PLXNA4: variants seen among roughly 807,000 people sequenced by gnomAD.
PLXNA4 encodes the protein plexin A4.
In PLXNA4, 44 loss-of-function variants were observed where a neutral mutation model predicts 191.8. The ratio of observed to expected loss-of-function variants is 0.23; its 90% CI spans 0.18 to 0.29. PLXNA4 has a LOEUF of 0.29. Among genes scored for constraint, PLXNA4 ranks in the 10% least tolerant of loss-of-function variants. PLXNA4 has a pLI of 1.00. For synonymous variants in PLXNA4, 1,082 were observed against 1,009.5 expected (o/e 1.07, Z -1.36); for missense variants, 1,800 against 2,488.8 (o/e 0.72, Z 5.89).
At chr7:132,180,422 G>C (rs571158947) in intron 19 of PLXNA4, among the ~76,000 whole-genome samples, 164 bp downstream of exon 19, 37 of 152,310 alleles carry the variant, frequency 2.4e-4, no homozygotes, top group Admixed American at 1.6e-3. Context: ...ATACAGAAGA[G>C]AGAAGCTCAA....
intron 3 of PLXNA4, among the ~76,000 whole-genome samples, chr7:132,415,573 G>T (rs1029564710): frequency 6.6e-6 from 1 of 152,192 alleles, no homozygotes; most frequent in Non-Finnish European, 1.5e-5. Context: ...AGGTTAGATA[G>T]TCAGCCTGCA....
At chr7:132,281,209 T>A (rs530164389) in intron 4 of PLXNA4, among the ~76,000 whole-genome samples, 1 of 152,336 alleles carries the variant, frequency 6.6e-6, no homozygotes, top group East Asian at 1.9e-4. Flanking sequence ...TTCCATACTT[T>A]GTTTTAATGG....
chr7:132,449,344 C>T (rs189236240), intron 3 of PLXNA4, among the ~76,000 whole-genome samples: 12 of 152,254 alleles, frequency 7.9e-5, no homozygotes, highest in African/African-American at 2.2e-4. Flanking sequence ...CTTGAACAAC[C>T]CAAATTAAAA....
intron 3 of PLXNA4, among the ~76,000 whole-genome samples, chr7:132,371,885 C>A (rs1400093574): frequency 6.6e-6 from 1 of 152,162 alleles, no homozygotes; most frequent in African/African-American, 2.4e-5. Flanking sequence ...TGAGAAATAA[C>A]TCTGGGGAAA....
chr7:132,247,067 A>G (rs1799084715), intron 4 of PLXNA4, among the ~76,000 whole-genome samples: 1 of 152,074 alleles, frequency 6.6e-6, no homozygotes, highest in Non-Finnish European at 1.5e-5. Flanking sequence ...CCTGGCCCCC[A>G]TTGCCCAACT....
chr7:132,615,756 A>C (rs1477937239), intron 2 of PLXNA4, among the ~76,000 whole-genome samples: 1 of 152,136 alleles, frequency 6.6e-6, no homozygotes, highest in East Asian at 1.9e-4. Flanking sequence ...TGTCCACATC[A>C]GCTTTCAGCA....
intron 1 of PLXNA4, among the ~76,000 whole-genome samples, chr7:132,531,625 C>A (rs1209762412): frequency 2.6e-5 from 4 of 152,182 alleles, no homozygotes; most frequent in African/African-American, 4.8e-5. Flanking sequence ...GATTCTGAGG[C>A]ATGGTCAAGT....
intron 3 of PLXNA4, among the ~76,000 whole-genome samples, chr7:132,454,546 C>T (rs919797292): frequency 3.3e-5 from 5 of 151,944 alleles, no homozygotes; most frequent in Non-Finnish European, 7.4e-5. Flanking sequence ...GAAGTGCGCC[C>T]CCCCAACCAT....
chr7:132,616,149 A>T (rs1037241152), intron 2 of PLXNA4, among the ~76,000 whole-genome samples: 5 of 152,050 alleles, frequency 3.3e-5, no homozygotes, highest in Non-Finnish European at 7.4e-5. Context: ...TCTCTACCTG[A>T]CACACACATG....
chr7:132,499,425 G>A (rs539304104), intron 2 of PLXNA4, among the ~76,000 whole-genome samples: 1 of 152,306 alleles, frequency 6.6e-6, no homozygotes, highest in Admixed American at 6.5e-5. Flanking sequence ...ATTGCGAATG[G>A]TAACAACCAA....
intron 3 of PLXNA4, among the ~76,000 whole-genome samples, chr7:132,362,873 G>T (rs1804003700): frequency 6.6e-6 from 1 of 152,172 alleles, no homozygotes; most frequent in Non-Finnish European, 1.5e-5. Flanking sequence ...TTGTAGTAAA[G>T]TATACATAGC....
At chr7:132,628,991 T>G (rs566589631) in intron 2 of PLXNA4, among the ~76,000 whole-genome samples, 1 of 152,334 alleles carries the variant, frequency 6.6e-6, no homozygotes, top group South Asian at 2.1e-4. Flanking sequence ...TATTCAAGAG[T>G]GAGGCACTCA....
chr7:132,615,649 T>C (rs943802749), intron 2 of PLXNA4, among the ~76,000 whole-genome samples: 1 of 152,188 alleles, frequency 6.6e-6, no homozygotes, highest in African/African-American at 2.4e-5. Context: ...TCTTCTTCCC[T>C]TCTGCGGCCC....
chr7:132,234,807 G>A (rs889689239), intron 5 of PLXNA4, among the ~76,000 whole-genome samples: 1 of 152,124 alleles, frequency 6.6e-6, no homozygotes, highest in African/African-American at 2.4e-5. Context: ...AAAGAGTCAA[G>A]GAAAATCTCC....
chr7:132,187,420 C>A, intron 15 of PLXNA4, 51 bp downstream of exon 15: 1 of 1,574,186 alleles, frequency 6.4e-7, no homozygotes, highest in South Asian at 1.2e-5. Flanking sequence ...AGTCATTTAC[C>A]TGTCTAACCT....
rs376756107 is a variant in PLXNA4 at position 132,234,435 on chromosome 7, T to C, written c.1605-5966A>G. Among the ~76,000 whole-genome samples, 3 of 152,018 alleles carry C rather than the reference T, an allele frequency of 2.0e-5. No individual in the cohort carries two copies. In the East Asian group the frequency reaches 5.8e-4, roughly 29 times the overall value. Reference sequence around the variant, plus strand: ...GGAATATGGGTGTGTATGTCTGGAGTGAAGCCTCAGAGGTAGGCCAGCTCC... The same window carrying C: ...GGAATATGGGTGTGTATGTCTGGAGCGAAGCCTCAGAGGTAGGCCAGCTCC... On this transcript the variant is annotated intron_variant, in intron 5 of 31. Transcript: ENST00000321063.
intron 3 of PLXNA4, among the ~76,000 whole-genome samples, chr7:132,407,192 G>T (rs1469392456): frequency 2.0e-5 from 3 of 152,152 alleles, no homozygotes; most frequent in Non-Finnish European, 4.4e-5. Flanking sequence ...ATCTCAGCTG[G>T]CCTTCTCCTT....
intron 3 of PLXNA4, among the ~76,000 whole-genome samples, chr7:132,365,225 G>A (rs1391027218): frequency 2.0e-5 from 3 of 152,130 alleles, no homozygotes; most frequent in African/African-American, 7.2e-5. Context: ...TCAGCAGTGA[G>A]TCCATAAAAA....
chr7:132,146,004 T>C (rs1290353767), intron 28 of PLXNA4, among the ~76,000 whole-genome samples: 1 of 135,922 alleles, frequency 7.4e-6, no homozygotes, highest in African/African-American at 2.8e-5. Context: ...TGTTTGAACC[T>C]GGGAGGAGGA....
Sources: allele counts gnomAD v4.1 joint callset (sites outside exome capture counted in the v4.1 genomes callset), GRCh38; gene constraint gnomAD v4.1.1; transcripts MANE v1.5; gene names NCBI Gene and HGNC (gene_info 2026-07-23, HGNC 2026-07-21).